Variants in ULK4 observed in about 807,000 individuals in gnomAD.
ULK4 encodes inactive serine/threonine-protein kinase ULK4.
ULK4 carries 133 observed loss-of-function variants against 160.6 expected under a neutral mutation model. The observed-to-expected ratio is 0.83, with a 90% CI of 0.72 to 0.96. The LOEUF (loss-of-function observed/expected upper bound fraction) is 0.96. Ranked by LOEUF, ULK4 falls within the 40% of genes least tolerant of loss-of-function variation. ULK4 has a pLI of 0.00. For synonymous variants in ULK4, 534 were observed against 539.8 expected (o/e 0.99, Z 0.15); for missense variants, 1,580 against 1,499.5 (o/e 1.05, Z -0.89).
intron 17 of ULK4, among the ~76,000 whole-genome samples, chr3:41,850,200 C>G (rs924763175): frequency 6.6e-6 from 1 of 152,126 alleles, no homozygotes; most frequent in Non-Finnish European, 1.5e-5. Flanking sequence ...TTTTCTTAAT[C>G]CAGTCTATCA....
At chr3:41,744,108 T>C (rs2038337150) in intron 22 of ULK4, among the ~76,000 whole-genome samples, 1 of 151,702 alleles carries the variant, frequency 6.6e-6, no homozygotes, top group South Asian at 2.1e-4. Flanking sequence ...GTGCTATAAA[T>C]AAATAAAAGA....
intron 32 of ULK4, among the ~76,000 whole-genome samples, chr3:41,465,224 ATATTT>A (rs1288502738): frequency 6.6e-6 from 1 of 152,208 alleles, no homozygotes; most frequent in East Asian, 1.9e-4. Context: ...TCATGTTTAA[ATATTT>A]TATTATGAAA....
chr3:41,873,844 G>A (rs575960294), intron 17 of ULK4, among the ~76,000 whole-genome samples: 2 of 151,060 alleles, frequency 1.3e-5, no homozygotes, highest in Admixed American at 1.3e-4. Context: ...ATGAGCCACC[G>A]CACCCGCCCT....
chr3:41,370,732 C>A (rs2081347699), intron 35 of ULK4, among the ~76,000 whole-genome samples: 1 of 152,190 alleles, frequency 6.6e-6, no homozygotes, highest in African/African-American at 2.4e-5. Context: ...AACTGGGTGG[C>A]CAAGCTAGCT....
chr3:41,763,522 G>A (rs2039059118), intron 21 of ULK4, among the ~76,000 whole-genome samples: 1 of 152,194 alleles, frequency 6.6e-6, no homozygotes, highest in Admixed American at 6.5e-5. Context: ...CGCTGTGTAT[G>A]TTAGCTATAG....
chr3:41,506,881 T>C (rs1446936523), intron 32 of ULK4, among the ~76,000 whole-genome samples: 3 of 145,030 alleles, frequency 2.1e-5, no homozygotes, highest in Admixed American at 7.0e-5. Context: ...ACATGCACCC[T>C]CCTGCCTAGC....
chr3:41,951,550 T>C (rs943140277), intron 2 of ULK4, among the ~76,000 whole-genome samples: 3 of 152,256 alleles, frequency 2.0e-5, no homozygotes, highest in Admixed American at 6.5e-5. Flanking sequence ...CTCACACATA[T>C]GGTCAAATGA....
At chr3:41,511,162 CAAAAAAA>C (rs57133226) in intron 32 of ULK4, among the ~76,000 whole-genome samples, 1 of 97,588 alleles carries the variant, frequency 1.0e-5, no homozygotes, top group Non-Finnish European at 2.2e-5. Context: ...GACTCCGTCT[CAAAAAAA>C]AAAAAAAAAA....
rs375393254 is a variant in ULK4, at chr3:41,354,605, CTTT to C, written c.3678+43471_3678+43473del. 5.6e-3 allele frequency among the ~76,000 whole-genome samples: 846 copies of C among 152,194 alleles called. 5 individuals carry two copies. The highest frequency in any genetic ancestry group is 0.02 in the African/African-American group (818 of 41,528). On this transcript the variant is annotated intron_variant, in intron 35 of 36. Transcript: ENST00000301831. ...TGAGGTAAGGACACAGTAGAGAACT[CTTT>C]ATTATAGTTTCTGCTCTTAAGCTGG...
chr3:41,494,776 T>C (rs2084924439), intron 32 of ULK4, among the ~76,000 whole-genome samples: 1 of 152,108 alleles, frequency 6.6e-6, no homozygotes. Context: ...AGCATTCTTA[T>C]ACACCAATAA....
intron 35 of ULK4, among the ~76,000 whole-genome samples, chr3:41,286,406 T>C (rs2125699065): frequency 6.6e-6 from 1 of 152,192 alleles, no homozygotes; most frequent in South Asian, 2.1e-4. Flanking sequence ...CATTATTAGA[T>C]ATGTCCAGCC....
At chr3:41,666,872 A>G (rs7631276) in intron 29 of ULK4, among the ~76,000 whole-genome samples, 20,186 of 152,140 alleles carry the variant, frequency 0.13, 3,142 homozygotes, top group African/African-American at 0.38. Flanking sequence ...GGCCAGGGAT[A>G]GTGGCTCACA....
chr3:41,529,147 G>A (rs1049854436), intron 32 of ULK4, among the ~76,000 whole-genome samples: 1 of 152,156 alleles, frequency 6.6e-6, no homozygotes, highest in Non-Finnish European at 1.5e-5. Flanking sequence ...ACCTTAATGA[G>A]TAACTTCATG....
At chr3:41,626,815 C>T (rs778479582) in intron 30 of ULK4, among the ~76,000 whole-genome samples, 9 of 152,046 alleles carry the variant, frequency 5.9e-5, no homozygotes, top group African/African-American at 1.4e-4. Context: ...CGTGAGCCAC[C>T]GTGCCTGGCC....
At chr3:41,259,999 T>C (rs1240272344) in intron 35 of ULK4, 1 of 152,208 alleles carries the variant, frequency 6.6e-6, no homozygotes, top group Non-Finnish European at 1.5e-5. Flanking sequence ...TTTAATTCTG[T>C]GGCCTTCAGA....
In ULK4 at chr3:41,285,151, T is replaced by C. The variant is rs376893009; in HGVS notation, c.3679-35577A>G. Reference sequence around the variant, plus strand: ...CTGCCCTGCTGGTGGGAATGTAAACTAGCACAGCCACTATGGAAAACAGTG... The same window carrying C: ...CTGCCCTGCTGGTGGGAATGTAAACCAGCACAGCCACTATGGAAAACAGTG... On this transcript the variant is annotated intron_variant, in intron 35 of 36. Transcript: ENST00000301831. 2.5e-3 allele frequency among the ~76,000 whole-genome samples: 381 copies of C among 152,260 alleles called. 1 individual carries two copies. The highest frequency in any genetic ancestry group is 8.8e-3 in the African/African-American group (364 of 41,534).
At chr3:41,290,318 T>G (rs950804038) in intron 35 of ULK4, among the ~76,000 whole-genome samples, 3 of 152,222 alleles carry the variant, frequency 2.0e-5, no homozygotes, top group Non-Finnish European at 4.4e-5. Flanking sequence ...ATTAACTCAT[T>G]TATAATCATG....
At position 41,608,113 on chromosome 3, in the gene ULK4, G is replaced by A. The variant is rs1423020150; in HGVS notation, c.3120+7556C>T. On this transcript the variant is annotated intron_variant, in intron 31 of 36. Coordinates refer to ENST00000301831, the MANE Select transcript of ULK4 (RefSeq NM_017886.4). ...ACTTGCCCCTATTGACTTTGTATCA[G>A]TCTTTTTTCCAATTTGGTATCTCTA... Among the ~76,000 whole-genome samples the A allele has an allele frequency of 3.3e-5, 5 of 152,122 alleles. No individual in the cohort carries two copies. In the East Asian group the frequency reaches 7.7e-4, roughly 23 times the overall value.
At chr3:41,691,578 T>C (rs1245782310) in intron 27 of ULK4, among the ~76,000 whole-genome samples, 1 of 151,922 alleles carries the variant, frequency 6.6e-6, no homozygotes, top group African/African-American at 2.4e-5. Flanking sequence ...CCCCCAAAGA[T>C]GGGAAATTCT....
Sources: allele counts gnomAD v4.1 joint callset (sites outside exome capture counted in the v4.1 genomes callset), GRCh38; gene constraint gnomAD v4.1.1; transcripts MANE v1.5; gene names NCBI Gene and HGNC (gene_info 2026-07-23, HGNC 2026-07-21).